Variants in MYO16 observed in about 807,000 individuals in gnomAD.
MYO16 encodes the protein unconventional myosin-XVI.
A neutral mutation model predicts 205.3 loss-of-function variants in MYO16; 94 were observed. That is an observed-to-expected ratio of 0.46 (90% CI 0.39 to 0.54). The LOEUF (loss-of-function observed/expected upper bound fraction) is 0.54. Among genes scored for constraint, MYO16 ranks in the 20% least tolerant of loss-of-function variants. The pLI, the probability that MYO16 is intolerant of heterozygous loss-of-function variation, is 0.00. For synonymous variants in MYO16, 988 were observed against 954.0 expected (o/e 1.04, Z -0.66); for missense variants, 2,315 against 2,387.5 (o/e 0.97, Z 0.63).
intron 2 of MYO16, among the ~76,000 whole-genome samples, chr13:108,680,502 C>A (rs72664980): frequency 2.6e-5 from 4 of 152,282 alleles, no homozygotes; most frequent in Non-Finnish European, 4.4e-5. Context: ...CTCTATAATG[C>A]AGGCTTTGCA....
At chr13:108,601,145 G>A (rs931691070) in intron 1 of MYO16, among the ~76,000 whole-genome samples, 2 of 152,090 alleles carry the variant, frequency 1.3e-5, no homozygotes, top group African/African-American at 4.8e-5. Context: ...TTCATTCAGT[G>A]CATCGTTTCC....
At position 108,666,155 on chromosome 13, in the gene MYO16, T is replaced by C; in HGVS notation, c.292+6T>C. ...CCACCACAATGACAAAGAAGGTACA[T>C]GATAAGAAAGAAGGACCCGTTTTCT... On this transcript the variant is annotated splice_donor_region_variant and intron_variant, in intron 2 of 34. Transcript: ENST00000457511. 1.3e-6 allele frequency: 2 copies of C among 1,584,290 alleles called. No individual in the cohort carries two copies. The highest frequency in any genetic ancestry group is 1.7e-6 in the Non-Finnish European group (2 of 1,158,034).
chr13:109,026,194 A>G (rs1475604), intron 23 of MYO16, among the ~76,000 whole-genome samples: 1 of 152,008 alleles, frequency 6.6e-6, no homozygotes, highest in African/African-American at 2.4e-5. Flanking sequence ...GCCCCTATTC[A>G]TGGAGACTGT....
intron 9 of MYO16, among the ~76,000 whole-genome samples, chr13:108,837,995 TAAA>T (rs1877016088): frequency 6.6e-6 from 1 of 151,926 alleles, no homozygotes; most frequent in South Asian, 2.1e-4. Context: ...AACTCTCTGA[TAAA>T]GAAGAAAAAA....
chr13:108,592,365 G>A (rs149616458), upstream of MYO16, among the ~76,000 whole-genome samples: 126 of 138,356 alleles, frequency 9.1e-4, no homozygotes, highest in South Asian at 0.014. Flanking sequence ...TGGGGTTGTA[G>A]GGGGTGTAGG....
intron 27 of MYO16, among the ~76,000 whole-genome samples, chr13:109,070,936 A>T (rs118127627): frequency 1.1e-4 from 16 of 152,238 alleles, no homozygotes; most frequent in Non-Finnish European, 1.6e-4. Context: ...GTTAGAGCTG[A>T]CCCACTTTAC....
intron 2 of MYO16, among the ~76,000 whole-genome samples, chr13:108,669,102 A>G (rs1881871633): frequency 6.6e-6 from 1 of 152,130 alleles, no homozygotes; most frequent in South Asian, 2.1e-4. Flanking sequence ...GTAGAGAAAG[A>G]GTTTAGGTAA....
chr13:108,650,843 G>T (rs147043328), intron 1 of MYO16, among the ~76,000 whole-genome samples: 1 of 152,166 alleles, frequency 6.6e-6, no homozygotes, highest in Non-Finnish European at 1.5e-5. Flanking sequence ...AGCATATGAC[G>T]CTTCATCTGA....
intron 2 of MYO16, among the ~76,000 whole-genome samples, chr13:108,691,332 G>A (rs1441376499): frequency 1.3e-5 from 2 of 151,904 alleles, no homozygotes; most frequent in African/African-American, 4.8e-5. Flanking sequence ...TTTAAATAAC[G>A]GAAGGAAACC....
chr13:108,643,050 T>TA (rs201661356), intron 1 of MYO16, among the ~76,000 whole-genome samples: 14 of 151,558 alleles, frequency 9.2e-5, no homozygotes, highest in South Asian at 4.2e-4. Context: ...GGTGTATAGT[T>TA]AAAAAAAAAT....
rs1313719201 is a variant in MYO16, at chr13:109,179,530, T to C, written c.5324-12T>C. 6.3e-7 allele frequency: 1 copy of C among 1,599,590 alleles called. No homozygotes were observed. Among genetic ancestry groups the C allele is most frequent in the Non-Finnish European group, 8.6e-7 (1 of 1,166,754 alleles). ...ACACTGCTTAACTCCCGATTTGTGT[T>C]GACCTCAATAGGTTTACCTGAAGAA... On this transcript the variant is annotated splice_polypyrimidine_tract_variant and intron_variant, in intron 33 of 34. Transcript: ENST00000457511.
intron 3 of MYO16, among the ~76,000 whole-genome samples, chr13:108,725,593 G>A (rs1323825696): frequency 6.6e-6 from 1 of 152,100 alleles, no homozygotes; most frequent in Non-Finnish European, 1.5e-5. Context: ...CAGTCTGGTT[G>A]GCAGGAACAG....
At chr13:108,833,622 T>G (rs184839292) in intron 9 of MYO16, among the ~76,000 whole-genome samples, 1 of 152,304 alleles carries the variant, frequency 6.6e-6, no homozygotes. Context: ...TTAGTTATAA[T>G]GGGCGATAAT....
chr13:108,985,826 T>C (rs180716608), intron 20 of MYO16, among the ~76,000 whole-genome samples: 147 of 152,346 alleles, frequency 9.6e-4, no homozygotes, highest in African/African-American at 3.5e-3. Context: ...TCTATCACAG[T>C]GCATAGTTGT....
At chr13:108,871,625 A>C (rs1376924930) in intron 12 of MYO16, among the ~76,000 whole-genome samples, 2 of 152,074 alleles carry the variant, frequency 1.3e-5, no homozygotes, top group Non-Finnish European at 2.9e-5. Flanking sequence ...AGTTGGGCTG[A>C]TATTCATTTG....
chr13:108,843,765 A>G (rs1010421715), intron 9 of MYO16, among the ~76,000 whole-genome samples: 2 of 152,186 alleles, frequency 1.3e-5, no homozygotes, highest in African/African-American at 4.8e-5. Context: ...AGAAAAATAA[A>G]AAGTTAAGTA....
chr13:108,917,731 C>T (rs935277176), intron 16 of MYO16, among the ~76,000 whole-genome samples: 1 of 152,224 alleles, frequency 6.6e-6, no homozygotes, highest in Non-Finnish European at 1.5e-5. Flanking sequence ...TGGCCAGAGG[C>T]CCTATATTTG....
intron 1 of MYO16, among the ~76,000 whole-genome samples, chr13:108,616,416 TG>T (rs1405345021): frequency 3.3e-5 from 5 of 152,134 alleles, no homozygotes; most frequent in African/African-American, 7.2e-5. Context: ...AGTCTATGCT[TG>T]AAATCATCGA....
At chr13:108,558,999 T>TA in the MYO16 span, among the ~76,000 whole-genome samples, 5 of 151,638 alleles carry the variant, frequency 3.3e-5, no homozygotes, top group Admixed American at 3.3e-4. Context: ...TTTTTTTTTT[T>TA]AAGTTTTGTA....
Sources: allele counts gnomAD v4.1 joint callset (sites outside exome capture counted in the v4.1 genomes callset), GRCh38; gene constraint gnomAD v4.1.1; transcripts MANE v1.5; gene names NCBI Gene and HGNC (gene_info 2026-07-23, HGNC 2026-07-21).